The following ESRRG variants were observed in gnomAD, a reference collection of about 807,000 sequenced individuals.
ESRRG encodes the protein estrogen-related receptor gamma.
ESRRG carries 13 observed loss-of-function variants against 44.0 expected under a neutral mutation model. The ratio of observed to expected loss-of-function variants is 0.30; its 90% CI spans 0.19 to 0.47. ESRRG has a LOEUF of 0.47. Ranked by LOEUF, ESRRG falls within the 20% of genes least tolerant of loss-of-function variation. ESRRG has a pLI of 1.00. For synonymous variants in ESRRG, 215 were observed against 214.6 expected (o/e 1.00, Z -0.02); for missense variants, 395 against 580.6 (o/e 0.68, Z 3.29).
chr1:216,908,184 T>C (rs1025653), intron 2 of ESRRG, among the ~76,000 whole-genome samples: 73,973 of 152,040 alleles, frequency 0.49, 18,827 homozygotes, highest in East Asian at 0.7. Flanking sequence ...GAAGTCACAG[T>C]GGACTTGCTG....
At chr1:216,548,141 A>G (rs945244538) in intron 5 of ESRRG, among the ~76,000 whole-genome samples, 3 of 152,138 alleles carry the variant, frequency 2.0e-5, no homozygotes, top group African/African-American at 7.2e-5. Context: ...TGGACAAAAG[A>G]AAAGGTACGG....
At chr1:216,595,862 C>A (rs917873169) in intron 3 of ESRRG, among the ~76,000 whole-genome samples, 1 of 152,134 alleles carries the variant, frequency 6.6e-6, no homozygotes, top group Non-Finnish European at 1.5e-5. Context: ...GGTAGAAAAA[C>A]TATAGGACTT....
intron 2 of ESRRG, among the ~76,000 whole-genome samples, chr1:216,868,079 C>CTTTTTTTT (rs58738849): frequency 2.6e-4 from 20 of 78,358 alleles, no homozygotes; most frequent in East Asian, 7.9e-4. Context: ...TATATTGATC[C>CTTTTTTTT]TTTTTTTTTT....
rs958529559 is a variant in ESRRG, at chr1:216,896,411, G to A, written c.-14+43171C>T. 2.6e-5 allele frequency among the ~76,000 whole-genome samples: 4 copies of A among 152,262 alleles called. No individual in the cohort carries two copies. The South Asian group carries it at 6.2e-4, about 24-fold the overall frequency. On this transcript the variant is annotated intron_variant, in intron 2 of 7. Transcript: ENST00000359162. ...ACTCAGGTAATCCCCTTTATAGGCT[G>A]ATTTGATAGCTCACGGAAATCGAAA...
At position 216,629,666 on chromosome 1, in the gene ESRRG, C is replaced by T. The variant is rs530197975; in HGVS notation, c.589+21307G>A. ...TCTTGTGGGTTCCTGAAGTGTCTTA[C>T]CACCAGGAAGTAACTTGCGCACTGA... On this transcript the variant is annotated intron_variant, in intron 3 of 6. Coordinates refer to ENST00000408911, the MANE Select transcript of ESRRG (RefSeq NM_001438.4). 1.2e-4 allele frequency among the ~76,000 whole-genome samples: 18 copies of T among 152,216 alleles called. No homozygotes were observed. The South Asian group carries it at 3.5e-3, about 30-fold the overall frequency.
At chr1:216,556,846 G>T (rs887923833) in intron 5 of ESRRG, among the ~76,000 whole-genome samples, 3 of 152,114 alleles carry the variant, frequency 2.0e-5, no homozygotes, top group South Asian at 2.1e-4. Context: ...TATCATTAGC[G>T]CACAGGGTCT....
chr1:216,793,845 G>A (rs2094397126), intron 2 of ESRRG, among the ~76,000 whole-genome samples: 1 of 152,022 alleles, frequency 6.6e-6, no homozygotes, highest in African/African-American at 2.4e-5. Flanking sequence ...GAGTGCCTAA[G>A]GACATAACAG....
At chr1:216,981,725 A>C (rs2074006941) in intron 1 of ESRRG, among the ~76,000 whole-genome samples, 1 of 152,130 alleles carries the variant, frequency 6.6e-6, no homozygotes, top group Non-Finnish European at 1.5e-5. Flanking sequence ...ACACATGCAC[A>C]CATACGCACG....
intron 2 of ESRRG, among the ~76,000 whole-genome samples, chr1:216,771,311 CT>C (rs1420941263): frequency 2.0e-5 from 3 of 152,160 alleles, no homozygotes; most frequent in Non-Finnish European, 4.4e-5. Context: ...TACACATATG[CT>C]TATAACAGTA....
At chr1:216,794,840 A>G (rs1451219838) in intron 2 of ESRRG, among the ~76,000 whole-genome samples, 1 of 152,206 alleles carries the variant, frequency 6.6e-6, no homozygotes. Flanking sequence ...GGATTGCACA[A>G]GCTATACCTT....
chr1:216,966,223 C>T (rs1229979367), intron 1 of ESRRG, among the ~76,000 whole-genome samples: 1 of 152,120 alleles, frequency 6.6e-6, no homozygotes, highest in Non-Finnish European at 1.5e-5. Context: ...AATGATCTGC[C>T]CACTTCCACA....
At chr1:216,594,858 T>G (rs1308268748) in intron 3 of ESRRG, among the ~76,000 whole-genome samples, 1 of 152,196 alleles carries the variant, frequency 6.6e-6, no homozygotes, top group Non-Finnish European at 1.5e-5. Flanking sequence ...AGAAAACAAT[T>G]GCAATGCAAA....
chr1:216,874,680 G>A (rs1292431858), intron 2 of ESRRG, among the ~76,000 whole-genome samples: 1 of 144,486 alleles, frequency 6.9e-6, no homozygotes, highest in Non-Finnish European at 1.6e-5. Context: ...AGGATGTAAA[G>A]TATTGTTCCT....
intron 1 of ESRRG, among the ~76,000 whole-genome samples, chr1:217,130,935 A>T (rs1397676540): frequency 6.6e-6 from 1 of 152,182 alleles, no homozygotes; most frequent in Admixed American, 6.5e-5. Context: ...AATATAGCTT[A>T]AATAAATGGA....
At chr1:216,589,467 A>G (rs1174657730) in intron 3 of ESRRG, among the ~76,000 whole-genome samples, 2 of 152,190 alleles carry the variant, frequency 1.3e-5, no homozygotes, top group East Asian at 3.9e-4. Flanking sequence ...AGGAAAGCCA[A>G]AAGATTGGAT....
chr1:216,714,011 C>G (rs1000791557), intron 1 of ESRRG, among the ~76,000 whole-genome samples: 3 of 152,190 alleles, frequency 2.0e-5, no homozygotes, highest in African/African-American at 7.2e-5. Context: ...AACTAACTAA[C>G]TGTATTTACA....
chr1:216,884,665 G>A (rs1348038458), intron 2 of ESRRG, among the ~76,000 whole-genome samples: 5 of 152,104 alleles, frequency 3.3e-5, no homozygotes, highest in African/African-American at 9.7e-5. Context: ...ACTTTCTCTG[G>A]CACCTTTTGT....
chr1:216,753,293 T>C (rs1199181421), intron 2 of ESRRG, among the ~76,000 whole-genome samples: 1 of 152,078 alleles, frequency 6.6e-6, no homozygotes, highest in African/African-American at 2.4e-5. Context: ...TGCTTATGAT[T>C]ACTTCTTTGC....
At chr1:216,708,189 A>G (rs372040466) in intron 1 of ESRRG, among the ~76,000 whole-genome samples, 1 of 152,218 alleles carries the variant, frequency 6.6e-6, no homozygotes, top group African/African-American at 2.4e-5. Context: ...AATTAGTAGC[A>G]AAGTCTCAGA....
Sources: allele counts gnomAD v4.1 joint callset (sites outside exome capture counted in the v4.1 genomes callset), GRCh38; gene constraint gnomAD v4.1.1; transcripts MANE v1.5; gene names NCBI Gene and HGNC (gene_info 2026-07-23, HGNC 2026-07-21).